Variants in DLGAP1 observed in about 807,000 individuals in gnomAD.
DLGAP1 encodes DLG associated protein 1, also known as disks large-associated protein 1.
DLGAP1 carries 11 observed loss-of-function variants against 90.8 expected under a neutral mutation model. The ratio of observed to expected loss-of-function variants is 0.12; its 90% confidence interval spans 0.08 to 0.20. The LOEUF is 0.20. DLGAP1 is among the 10% of genes least tolerant of loss of function. The probability of loss-of-function intolerance (pLI) is 1.00; values close to 1 mark genes in which losing one functional copy is unlikely to be tolerated. For synonymous variants in DLGAP1, 558 were observed against 540.7 expected (o/e 1.03, Z -0.44); for missense variants, 1,050 against 1,333.8 (o/e 0.79, Z 3.31).
intron 2 of DLGAP1, among the ~76,000 whole-genome samples, chr18:4,120,284 C>G (rs2076131315): frequency 6.6e-6 from 1 of 152,170 alleles, no homozygotes; most frequent in South Asian, 2.1e-4. Flanking sequence ...AATTAAATTT[C>G]TACAGGTCAT....
chr18:4,284,491 AC>A (rs2079634500), intron 1 of DLGAP1, among the ~76,000 whole-genome samples: 1 of 152,176 alleles, frequency 6.6e-6, no homozygotes, highest in African/African-American at 2.4e-5. Context: ...CTGTGAGGAG[AC>A]AGTTGTGGTT....
rs114390914 is a variant in DLGAP1, at chr18:3,794,396, A to C, written c.1172+19663T>G. On this transcript the variant is annotated intron_variant, in intron 5 of 12. Coordinates refer to ENST00000315677, the MANE Select transcript of DLGAP1 (RefSeq NM_004746.4). ...AAGCCCATCTCAATTATAGGCATGG[A>C]TTCATTTATTTCTGACTTCAAAACT... Among the ~76,000 whole-genome samples the C allele has an allele frequency of 3.3e-3, 486 of 149,372 alleles. 2 individuals are homozygous for C. The highest frequency in any genetic ancestry group is 0.011 in the African/African-American group (431 of 40,422).
At chr18:4,022,424 C>CA (rs57508669) in intron 2 of DLGAP1, among the ~76,000 whole-genome samples, 6 of 147,362 alleles carry the variant, frequency 4.1e-5, no homozygotes, top group Admixed American at 6.8e-5. Context: ...CACACACACA[C>CA]CACACACACA....
At chr18:3,914,389 C>CT (rs35571842) in intron 3 of DLGAP1, among the ~76,000 whole-genome samples, 88,149 of 152,012 alleles carry the variant, frequency 0.58, 25,670 homozygotes, top group African/African-American at 0.61. Context: ...GGATTTCTTT[C>CT]TTTTTAAGAC....
chr18:4,048,607 G>C (rs2075089335), intron 2 of DLGAP1, among the ~76,000 whole-genome samples: 1 of 152,190 alleles, frequency 6.6e-6, no homozygotes, highest in Admixed American at 6.5e-5. Context: ...TCGATAGACT[G>C]AGAGAATCTG....
At chr18:4,157,151 G>A (rs1454226091) in intron 1 of DLGAP1, among the ~76,000 whole-genome samples, 23 of 151,582 alleles carry the variant, frequency 1.5e-4, no homozygotes, top group Non-Finnish European at 1.5e-4. Flanking sequence ...GGACCGGGCC[G>A]TCAGCTCACT....
intron 3 of DLGAP1, among the ~76,000 whole-genome samples, chr18:3,958,266 T>A (rs2073122299): frequency 6.6e-6 from 1 of 151,902 alleles, no homozygotes; most frequent in Admixed American, 6.6e-5. Flanking sequence ...TATGTATGCC[T>A]GTAATCCCAA....
intron 3 of DLGAP1, chr18:3,993,130 G>A (rs2074001647): frequency 6.6e-6 from 1 of 151,640 alleles, no homozygotes; most frequent in African/African-American, 2.4e-5. Flanking sequence ...AGCAGATGAG[G>A]AGACAAAACC....
rs79533915 is a variant in DLGAP1, at chr18:3,561,646, G to A, written c.2057+5844C>T. On this transcript the variant is annotated intron_variant, in intron 9 of 12. Transcript: ENST00000315677. ...ACAGGGTACAAAATTCTAGATGGGT[G>A]TTTTTGGTTTTTTATTCTCCTAATA... Among the ~76,000 whole-genome samples, 167 of 150,678 alleles carry A rather than the reference G, an allele frequency of 1.1e-3. 5 individuals carry two copies. The East Asian group carries it at 0.031, about 28-fold the overall frequency.
At chr18:3,848,724 G>A (rs978199868) in intron 4 of DLGAP1, among the ~76,000 whole-genome samples, 3 of 152,008 alleles carry the variant, frequency 2.0e-5, no homozygotes, top group African/African-American at 7.3e-5. Flanking sequence ...ATATTGATTT[G>A]GAATCTCCGG....
intron 1 of DLGAP1, among the ~76,000 whole-genome samples, chr18:4,164,383 G>A (rs561871813): frequency 2.0e-5 from 3 of 152,220 alleles, no homozygotes; most frequent in East Asian, 1.9e-4. Flanking sequence ...CTGTTTAAAC[G>A]ATCAGACACT....
intron 7 of DLGAP1, among the ~76,000 whole-genome samples, chr18:3,725,029 A>G (rs150851374): frequency 1.3e-5 from 2 of 152,258 alleles, no homozygotes; most frequent in East Asian, 3.9e-4. Context: ...AAAATCACAA[A>G]AAGTCTTAAA....
chr18:3,712,363 T>G (rs1462235862), intron 7 of DLGAP1, among the ~76,000 whole-genome samples: 1 of 152,110 alleles, frequency 6.6e-6, no homozygotes, highest in African/African-American at 2.4e-5. Flanking sequence ...GTCCTGACCC[T>G]CCCTACTGGG....
At chr18:3,684,806 T>C (rs954155208) in intron 7 of DLGAP1, among the ~76,000 whole-genome samples, 3 of 152,136 alleles carry the variant, frequency 2.0e-5, no homozygotes, top group Non-Finnish European at 2.9e-5. Context: ...CACACCTGTA[T>C]GTAAAAGGTC....
chr18:4,176,742 C>A (rs754285950), intron 1 of DLGAP1, among the ~76,000 whole-genome samples: 53 of 152,296 alleles, frequency 3.5e-4, no homozygotes, highest in Non-Finnish European at 5.9e-4. Context: ...TTCCTGGAAC[C>A]CTCTGCTTCT....
intron 2 of DLGAP1, among the ~76,000 whole-genome samples, chr18:4,044,096 A>C (rs1265527239): frequency 6.6e-6 from 1 of 152,224 alleles, no homozygotes; most frequent in Admixed American, 6.5e-5. Flanking sequence ...TTTAAAAATC[A>C]GGGATATGAA....
intron 3 of DLGAP1, among the ~76,000 whole-genome samples, chr18:3,910,815 T>G (rs2072016762): frequency 6.6e-6 from 1 of 152,122 alleles, no homozygotes; most frequent in Non-Finnish European, 1.5e-5. Flanking sequence ...ATAAAAATAT[T>G]GCAGAAAATT....
chr18:3,591,433 A>T (rs1053727316), intron 7 of DLGAP1, among the ~76,000 whole-genome samples: 1 of 152,066 alleles, frequency 6.6e-6, no homozygotes, highest in Non-Finnish European at 1.5e-5. Context: ...CATTCCTGTA[A>T]TCCCAGCACT....
At chr18:3,671,414 T>C (rs2060085561) in intron 7 of DLGAP1, among the ~76,000 whole-genome samples, 1 of 152,248 alleles carries the variant, frequency 6.6e-6, no homozygotes, top group Non-Finnish European at 1.5e-5. Context: ...GTCAGTGTTA[T>C]TGCTGTATCC....
Sources: gnomAD v4.1 joint callset for allele counts (sites outside exome capture counted in the v4.1 genomes callset) on GRCh38, gnomAD v4.1.1 for gene constraint, MANE v1.5 for transcripts, NCBI Gene and HGNC (gene_info 2026-07-23, HGNC 2026-07-21) for gene names.